The following COL12A1 variants were observed in gnomAD, a reference collection of about 807,000 sequenced individuals.
COL12A1 encodes the protein collagen alpha-1(XII) chain.
A neutral mutation model predicts 349.7 loss-of-function variants in COL12A1; 114 were observed. The ratio of observed to expected loss-of-function variants is 0.33; its 90% CI spans 0.28 to 0.38. The LOEUF (loss-of-function observed/expected upper bound fraction) is 0.38, where lower values mean the gene tolerates loss of function less well. Ranked by LOEUF, COL12A1 falls within the 10% of genes least tolerant of loss-of-function variation. The pLI is 1.00. For missense variants in COL12A1, 3,284 were observed against 3,756.9 expected (o/e 0.87, Z 3.29); for synonymous variants, 1,369 against 1,329.0 (o/e 1.03, Z -0.66).
chr6:75,121,295 C>T lies in COL12A1; in HGVS notation c.7086+7G>A, dbSNP rs750996283. On this transcript the variant is annotated splice_region_variant and intron_variant, in intron 44 of 65. Coordinates refer to ENST00000322507, the MANE Select transcript of COL12A1 (RefSeq NM_004370.6). ...AAATGAGTAGCCACTGGCGGAATGA[C>T]ACTAACCTGAATCCCAGCAGGACTG... is the stretch of plus-strand genomic sequence containing the variant. The T allele has an allele frequency of 2.5e-6, 4 of 1,587,120 alleles. No individual in the cohort carries two copies. In the Admixed American group the frequency reaches 5.1e-5, roughly 20 times the overall value.
rs1338318740 is a variant in COL12A1, at chr6:75,130,180, G to A, written c.6121C>T (p.Leu2041Phe). ...TCAGCATGATCCCAGGCTACCGAGA[G>A]GCTATTGGTTGTTTCACCAAAGACT... The part of the protein sequence containing the change: ...LRVFGETTNS[L>F]SVAWDHADGP... Residue 2041 changes from leucine to phenylalanine, a missense_variant, in exon 37 of 66, where the codon CTC becomes TTC. This residue lies in a region of COL12A1 where 2,601 missense variants were observed against 2,824.8 expected (regional missense o/e 0.92). Transcript: ENST00000322507. 1.2e-6 allele frequency: 2 copies of A among 1,614,002 alleles called. No homozygotes were observed. Among genetic ancestry groups the A allele is most frequent in the South Asian group, 2.2e-5 (2 of 91,050 alleles).
Position 75,123,334 on chromosome 6 carries a change from C to T in COL12A1, c.6942G>A (p.Arg2314=), listed in dbSNP as rs1193321730. The part of the protein sequence containing the change: ...PPPPPTIPPA[R]DVCKGAKADI... Reference sequence around the variant, plus strand: ...TGCCTATTTAGCTGTACTTACCATCCCGGGCTGGTGGAATGGTGGGAGGGG... The same window carrying T: ...TGCCTATTTAGCTGTACTTACCATCTCGGGCTGGTGGAATGGTGGGAGGGG... The change falls in exon 43 of 66, where the codon CGG becomes CGA. Residue 2314 remains arginine, a synonymous_variant. Coordinates refer to ENST00000322507, the MANE Select transcript of COL12A1 (RefSeq NM_004370.6). 3.7e-6 allele frequency: 6 copies of T among 1,609,148 alleles called. No homozygotes were observed. Among genetic ancestry groups the T allele is most frequent in the Non-Finnish European group, 5.1e-6 (6 of 1,177,630 alleles).
rs1562297194 is a variant in COL12A1 at position 75,183,866 on chromosome 6, T to C, written c.1276A>G (p.Lys426Glu). 1 of 1,614,108 alleles carries C rather than the reference T, an allele frequency of 6.2e-7. No homozygotes were observed. Among genetic ancestry groups the C allele is most frequent in the South Asian group, 1.1e-5 (1 of 91,080 alleles). The change falls in exon 9 of 66, where the codon AAA (lysine) becomes GAA (glutamate). Residue 426 changes from lysine (K) to glutamate (E), a missense_variant. Physicochemically the swap from Lys to Glu is moderately conservative, Grantham distance 56 (BLOSUM62 1). Around this residue, in one of 2 missense-constraint regions of COL12A1, gnomAD observed 2,601 missense variants for 2,824.8 expected, o/e 0.92. Transcript: ENST00000322507. ...CACATTGACTTACCCACTTGAACTT[T>C]CATTGGCTGAGTCTTCTCCATTATT... ...ISIMEKTQPMKVQVECSRGVD... is the reference protein window; with the variant it reads ...ISIMEKTQPMEVQVECSRGVD...
chr6:75,173,211 G>A (rs1206813889), intron 13 of COL12A1, among the ~76,000 whole-genome samples: 2 of 152,090 alleles, frequency 1.3e-5, no homozygotes, highest in Non-Finnish European at 2.9e-5. Context: ...AATAAACTAA[G>A]GCCCAGAGGG....
intron 44 of COL12A1, among the ~76,000 whole-genome samples, chr6:75,120,814 A>G (rs1769320398): frequency 6.6e-6 from 1 of 152,150 alleles, no homozygotes; most frequent in Non-Finnish European, 1.5e-5. Flanking sequence ...TTATCCTTTT[A>G]AAAAAACAAA....
intron 12 of COL12A1, among the ~76,000 whole-genome samples, chr6:75,176,698 A>T (rs1768976718): frequency 6.6e-6 from 1 of 152,202 alleles, no homozygotes; most frequent in Non-Finnish European, 1.5e-5. Flanking sequence ...TCAAGCTGAG[A>T]TGATGATAAT....
At chr6:75,125,739 T>C (rs1210453237) in intron 39 of COL12A1, among the ~76,000 whole-genome samples, 1 of 152,110 alleles carries the variant, frequency 6.6e-6, no homozygotes, top group Non-Finnish European at 1.5e-5. Context: ...ATTTCTTACA[T>C]AGGTTCAAAT....
In COL12A1 at chr6:75,123,994, C is replaced by G. The variant is rs1455152955; in HGVS notation, c.6825G>C (p.Gln2275His). The G allele has an allele frequency of 6.2e-7, 1 of 1,613,748 alleles. No individual in the cohort carries two copies. Among genetic ancestry groups the G allele is most frequent in the South Asian group, 1.1e-5 (1 of 91,060 alleles). ...DTDYGVTVFVQTPNLEGPGVS... is the reference protein window; with the variant it reads ...DTDYGVTVFVHTPNLEGPGVS... The stretch of plus-strand genomic sequence containing the variant: ...CTCCTGGTCCCTCGAGATTTGGTGT[C>G]TGCACAAAAACAGTGACACCATAAT... The change falls in exon 42 of 66, where the codon CAG (glutamine) becomes CAC (histidine). Residue 2275 changes from glutamine to histidine, a missense_variant. Physicochemically the swap from Gln to His is conservative, Grantham distance 24. Transcript: ENST00000322507.
intron 2 of COL12A1, among the ~76,000 whole-genome samples, chr6:75,200,774 A>G (rs1256082212): frequency 1.3e-5 from 2 of 152,180 alleles, no homozygotes; most frequent in Non-Finnish European, 2.9e-5. Context: ...GAATATGGCT[A>G]CCAGAAAAAA....
At chr6:75,132,249 T>C (rs1361173901) in intron 34 of COL12A1, among the ~76,000 whole-genome samples, 167 bp from the exon 35 acceptor site, 2 of 152,224 alleles carry the variant, frequency 1.3e-5, no homozygotes, top group African/African-American at 4.8e-5. Flanking sequence ...AACCCAAATT[T>C]AGTTAAAGTT....
At chr6:75,153,446 A>G (rs1582141886) in intron 17 of COL12A1, among the ~76,000 whole-genome samples, 1 of 152,180 alleles carries the variant, frequency 6.6e-6, no homozygotes, top group East Asian at 1.9e-4. Flanking sequence ...GTCCACATCC[A>G]TTTTTTTAAT....
intron 34 of COL12A1, 136 bp downstream of exon 34, chr6:75,133,157 T>C: frequency 1.4e-6 from 1 of 719,428 alleles, no homozygotes; most frequent in Non-Finnish European, 2.1e-6. Flanking sequence ...GTTAGGAAGG[T>C]AAACTATGGC....
At chr6:75,171,161 A>G (rs1226663102) in intron 13 of COL12A1, among the ~76,000 whole-genome samples, 1 of 152,228 alleles carries the variant, frequency 6.6e-6, no homozygotes, top group East Asian at 1.9e-4. Context: ...GTTCAATTAC[A>G]TATACAGTAG....
intron 1 of COL12A1, among the ~76,000 whole-genome samples, chr6:75,205,547 T>G (rs1286610511): frequency 6.6e-6 from 1 of 152,010 alleles, no homozygotes; most frequent in Non-Finnish European, 1.5e-5. Flanking sequence ...GCACAAAACC[T>G]TGCTCAGCTC....
chr6:75,113,313 G>T lies in COL12A1; in HGVS notation c.7841C>A (p.Pro2614His). 6.5e-7 allele frequency: 1 copy of T among 1,534,102 alleles called. No homozygotes were observed. Among genetic ancestry groups the T allele is most frequent in the Non-Finnish European group, 8.8e-7 (1 of 1,142,050 alleles). ...AAAGAATGATAACGTCTTGCTAGAAGCTGTAATCAACATAAAAGTGTTATT... is the reference window on the plus strand; with the variant it reads ...AAAGAATGATAACGTCTTGCTAGAATCTGTAATCAACATAAAAGTGTTATT... ...YKPQVGVIAD[P>H]SSKTLSFFNK... The change falls in exon 51 of 66, where the codon CCT becomes CAT. Residue 2614 changes from proline (P) to histidine (H), a missense_variant and splice_region_variant. By Grantham distance (77) the Pro-to-His change is moderately conservative (BLOSUM62 -2). Coordinates refer to ENST00000322507, the MANE Select transcript of COL12A1 (RefSeq NM_004370.6).
chr6:75,165,804 CT>C, intron 13 of COL12A1, 25 bp from the exon 14 acceptor site: 1 of 1,603,250 alleles, frequency 6.2e-7, no homozygotes, highest in Non-Finnish European at 8.5e-7. Flanking sequence ...AAAAGGGAAT[CT>C]TTTTTAAAAA....
At chr6:75,142,873 C>A (rs759457906) in intron 26 of COL12A1, among the ~76,000 whole-genome samples, 1 of 152,208 alleles carries the variant, frequency 6.6e-6, no homozygotes, top group African/African-American at 2.4e-5. Context: ...ATCTGACAAA[C>A]TGCTCCTCTT....
Position 75,174,168 on chromosome 6 carries a change from G to T in COL12A1, c.2710+870C>A, listed in dbSNP as rs866286656. On this transcript the variant is annotated intron_variant, in intron 13 of 65. Coordinates refer to ENST00000322507, the MANE Select transcript of COL12A1 (RefSeq NM_004370.6). Reference sequence around the variant, plus strand: ...CTAAAGAACCAAGGAAACTGCTCCAGTCTTGCTGATGTTTCTTACTAAGTA... The same window carrying T: ...CTAAAGAACCAAGGAAACTGCTCCATTCTTGCTGATGTTTCTTACTAAGTA... 2.6e-5 allele frequency among the ~76,000 whole-genome samples: 4 copies of T among 152,310 alleles called. No individual in the cohort carries two copies. In the South Asian group the frequency reaches 8.3e-4, roughly 32 times the overall value.
chr6:75,190,469 T>C (rs1769871182), intron 5 of COL12A1, among the ~76,000 whole-genome samples: 1 of 151,956 alleles, frequency 6.6e-6, no homozygotes, highest in Admixed American at 6.6e-5. Context: ...TATTTAAATT[T>C]GACAATTAAA....
Sources: gnomAD v4.1 joint callset for allele counts (sites outside exome capture counted in the v4.1 genomes callset) on GRCh38, gnomAD v4.1.1 for gene constraint, gnomAD v4.1.1 regional missense constraint, MANE v1.5 for transcripts, NCBI Gene and HGNC (gene_info 2026-07-23, HGNC 2026-07-21) for gene names.